Variants in NAV3 observed in about 807,000 individuals in gnomAD.
NAV3 encodes neuron navigator 3.
Under a neutral mutation model 244.7 loss-of-function variants are expected in NAV3, and 87 were observed. The observed-to-expected ratio is 0.36, with a 90% CI of 0.30 to 0.42. NAV3 has a LOEUF of 0.42. NAV3 is among the 20% of genes least tolerant of loss of function. The pLI is 1.00. For synonymous variants in NAV3, 1,126 were observed against 1,042.2 expected, an observed-to-expected ratio of 1.08 and a Z score of -1.55; for missense variants, 2,663 against 2,893.3, an observed-to-expected ratio of 0.92 and a Z score of 1.83.
intron 2 of NAV3, among the ~76,000 whole-genome samples, chr12:77,679,874 C>T (rs565898698): frequency 6.6e-6 from 1 of 152,256 alleles, no homozygotes; most frequent in East Asian, 1.9e-4. Context: ...CAACTGCTGA[C>T]TTTAGACAGA....
At chr12:77,843,903 A>C (rs2136191153) in intron 1 of NAV3, among the ~76,000 whole-genome samples, 1 of 152,332 alleles carries the variant, frequency 6.6e-6, no homozygotes, top group African/African-American at 2.4e-5. Context: ...TATGCAAATA[A>C]AATGGGATTA....
chr12:78,198,570 C>T (rs1169125306), intron 35 of NAV3, 35 bp from the exon 36 acceptor site: 1 of 1,261,066 alleles, frequency 7.9e-7, no homozygotes, highest in Non-Finnish European at 1.1e-6. Context: ...CTTTTACCTC[C>T]AGTAAATTAA....
intron 12 of NAV3, among the ~76,000 whole-genome samples, chr12:78,088,440 G>A (rs1953748460): frequency 6.6e-6 from 1 of 152,088 alleles, no homozygotes; most frequent in Non-Finnish European, 1.5e-5. Flanking sequence ...GGAAGACCCA[G>A]TGATCACATT....
intron 9 of NAV3, among the ~76,000 whole-genome samples, chr12:78,026,789 T>C (rs545867084): frequency 2.9e-4 from 44 of 152,304 alleles, no homozygotes; most frequent in South Asian, 1.4e-3. Flanking sequence ...AGTATATAGA[T>C]AGCATTCAAT....
intron 1 of NAV3, among the ~76,000 whole-genome samples, chr12:77,877,869 TA>T (rs1882063882): frequency 6.6e-6 from 1 of 152,140 alleles, no homozygotes; most frequent in African/African-American, 2.4e-5. Flanking sequence ...GCCAGCCAGG[TA>T]AACAAGATCA....
intron 2 of NAV3, among the ~76,000 whole-genome samples, chr12:77,741,633 T>G (rs1868339661): frequency 6.6e-6 from 1 of 152,120 alleles, no homozygotes; most frequent in African/African-American, 2.4e-5. Flanking sequence ...AAATAGAAGA[T>G]TTGCATTATT....
rs192032989 is a variant in NAV3, at chr12:77,713,732, T to G, written c.72+141466T>G. ...TCTGGTCTAAGATCAGTTATAAAAA[T>G]GTACCAGCAAGAACTGAAAATAAAA... On this transcript the variant is annotated intron_variant, in intron 2 of 8. Transcript: ENST00000550042. Among the ~76,000 whole-genome samples, 11 of 152,224 alleles carry G rather than the reference T, an allele frequency of 7.2e-5. No individual in the cohort carries two copies. In the East Asian group the frequency reaches 2.1e-3, roughly 29 times the overall value.
intron 1 of NAV3, among the ~76,000 whole-genome samples, chr12:77,886,560 C>G (rs1883310650): frequency 6.6e-6 from 1 of 152,050 alleles, no homozygotes; most frequent in African/African-American, 2.4e-5. Flanking sequence ...TGTTTCCACC[C>G]CTGGACAACT....
At chr12:77,870,088 C>T (rs1213472844) in intron 1 of NAV3, among the ~76,000 whole-genome samples, 9 of 152,040 alleles carry the variant, frequency 5.9e-5, no homozygotes, top group South Asian at 2.1e-4. Context: ...TCTAATAAGC[C>T]GGGCGCGGTG....
intron 1 of NAV3, among the ~76,000 whole-genome samples, chr12:77,917,234 C>T (rs968560746): frequency 7.2e-5 from 11 of 151,884 alleles, no homozygotes; most frequent in Non-Finnish European, 1.5e-4. Flanking sequence ...CTAAATGGCA[C>T]ATATAGTATT....
chr12:77,747,682 A>G (rs1257660289), intron 2 of NAV3, among the ~76,000 whole-genome samples: 3 of 152,248 alleles, frequency 2.0e-5, no homozygotes, highest in Non-Finnish European at 2.9e-5. Flanking sequence ...GCACATATAC[A>G]CCATGGAATA....
intron 12 of NAV3, among the ~76,000 whole-genome samples, chr12:78,091,028 G>A (rs1953904982): frequency 6.9e-6 from 1 of 144,750 alleles, no homozygotes; most frequent in East Asian, 2.2e-4. Flanking sequence ...ATAATTTTTA[G>A]CTTTTTACTC....
intron 2 of NAV3, among the ~76,000 whole-genome samples, chr12:77,586,964 G>T (rs1304603009): frequency 1.3e-5 from 2 of 152,164 alleles, no homozygotes; most frequent in Non-Finnish European, 2.9e-5. Context: ...AACAGTTATG[G>T]AGTGTTTGAA....
At chr12:78,205,204 G>T in intron 39 of NAV3, 66 bp downstream of exon 39, 1 of 1,472,818 alleles carries the variant, frequency 6.8e-7, no homozygotes, top group Non-Finnish European at 9.3e-7. Context: ...TTAATATTTA[G>T]TTATTTCTAG....
At chr12:77,865,795 A>G (rs376723195) in intron 1 of NAV3, among the ~76,000 whole-genome samples, 1 of 15,460 alleles carries the variant, frequency 6.5e-5, no homozygotes, top group Non-Finnish European at 2.1e-4. Flanking sequence ...ACACGTATAT[A>G]TGCGTGTGTG....
chr12:78,070,287 T>C (rs1242960047), intron 12 of NAV3, among the ~76,000 whole-genome samples: 1 of 152,080 alleles, frequency 6.6e-6, no homozygotes, highest in Non-Finnish European at 1.5e-5. Flanking sequence ...CTAGGTTTGA[T>C]ACTATAATCA....
At chr12:77,643,047 T>C (rs1872482668) in intron 2 of NAV3, among the ~76,000 whole-genome samples, 1 of 152,036 alleles carries the variant, frequency 6.6e-6, no homozygotes, top group African/African-American at 2.4e-5. Context: ...TCTTCTTTCA[T>C]TTGTTCTGGA....
intron 2 of NAV3, among the ~76,000 whole-genome samples, chr12:77,614,943 T>A (rs527743287): frequency 6.6e-6 from 1 of 152,266 alleles, no homozygotes; most frequent in Non-Finnish European, 1.5e-5. Context: ...GGTAGCAACA[T>A]CTGGAGACTT....
intron 2 of NAV3, among the ~76,000 whole-genome samples, chr12:77,590,180 A>C (rs1869843149): frequency 6.6e-6 from 1 of 152,214 alleles, no homozygotes; most frequent in Non-Finnish European, 1.5e-5. Flanking sequence ...CTGTGCACTT[A>C]AATTTGCACT....
Sources: allele counts gnomAD v4.1 joint callset (sites outside exome capture counted in the v4.1 genomes callset), GRCh38; gene constraint gnomAD v4.1.1; transcripts MANE v1.5; gene names NCBI Gene and HGNC (gene_info 2026-07-23, HGNC 2026-07-21).